The following MARF1 variants were observed in gnomAD, a reference collection of about 807,000 sequenced individuals.
MARF1 encodes the protein meiosis regulator and mRNA stability factor 1, also known as limkain-b1.
MARF1 carries 24 observed loss-of-function variants against 168.2 expected under a neutral mutation model. The observed-to-expected ratio is 0.14, with a 90% confidence interval of 0.10 to 0.20. The LOEUF is 0.20. Ranked by LOEUF, MARF1 falls within the 10% of genes least tolerant of loss-of-function variation. The pLI is 1.00. For synonymous variants in MARF1, 868 were observed against 822.4 expected (o/e 1.06, Z -0.95); for missense variants, 1,744 against 2,143.6 (o/e 0.81, Z 3.68).
chr16:15,615,697 A>T, intron 16 of MARF1, 133 bp downstream of exon 16: 1 of 559,168 alleles, frequency 1.8e-6, no homozygotes, highest in Admixed American at 3.9e-5. Flanking sequence ...GGAATTTTCA[A>T]AAGATCAAAG....
Position 15,611,622 on chromosome 16 carries a change from A to G in MARF1, c.3587T>C (p.Ile1196Thr), listed in dbSNP as rs369672347. Residue 1196 changes from isoleucine (I) to threonine (T), a missense_variant, in exon 18 of 27, where the codon ATT (isoleucine) becomes ACT (threonine). Around this residue, in one of 7 missense-constraint regions of MARF1, gnomAD observed 543 missense variants for 742.1 expected, o/e 0.73. Transcript: ENST00000396368. ...LLKSQASKQV[I>T]VREFSQAYHW... ...ATAAGCCTGTGAGAATTCTCTCACA[A>G]TGACCTGTTTGCTGGCCTGGGATTT... The G allele has an allele frequency of 1.2e-6, 2 of 1,613,978 alleles. No homozygotes were observed. The highest frequency in any genetic ancestry group is 1.1e-5 in the South Asian group (1 of 91,080).
At chr16:15,638,071 C>T (rs555427024) in intron 2 of MARF1, among the ~76,000 whole-genome samples, 16 of 152,164 alleles carry the variant, frequency 1.1e-4, no homozygotes, top group Admixed American at 2.6e-4. Context: ...GAGGCTGAGA[C>T]GGGAGAATCC....
chr16:15,635,061 A>C, intron 3 of MARF1, 130 bp from the exon 4 acceptor site: 1 of 690,198 alleles, frequency 1.4e-6, no homozygotes, highest in Admixed American at 3.1e-5. Flanking sequence ...AATAAAAAGG[A>C]CTTTCAAATA....
intron 12 of MARF1, among the ~76,000 whole-genome samples, chr16:15,621,243 A>ATGGG (rs2034438684): frequency 6.6e-6 from 1 of 152,214 alleles, no homozygotes; most frequent in Non-Finnish European, 1.5e-5. Flanking sequence ...CCAAAGAAGT[A>ATGGG]TCACATTTTA....
rs763798335 is a variant in MARF1, at chr16:15,633,796, G to C, written c.1054C>G (p.Pro352Ala). 19 of 1,613,758 alleles carry C rather than the reference G, an allele frequency of 1.2e-5. No homozygotes were observed. Among genetic ancestry groups the C allele is most frequent in the Admixed American group, 1.7e-5 (1 of 59,978 alleles). The change falls in exon 5 of 27, where the codon CCC becomes GCC. Residue 352 changes from proline (P) to alanine (A), a missense_variant. Physicochemically the swap from Pro to Ala is conservative, Grantham distance 27. This residue lies in a region of MARF1 where 217 missense variants were observed against 372.4 expected (regional missense o/e 0.58). Coordinates refer to ENST00000396368, the MANE Select transcript of MARF1 (RefSeq NM_014647.4). Reference protein sequence around the residue: ...VAGQVLENLPPIGVFWDIENC... With the variant: ...VAGQVLENLPAIGVFWDIENC... ...TCAATATCCCAAAAAACTCCAATGG[G>C]GGGTAAGTTTTCTAGCACCTGTCCA...
intron 13 of MARF1, among the ~76,000 whole-genome samples, chr16:15,618,464 C>T (rs1390549068): frequency 6.6e-6 from 1 of 152,188 alleles, no homozygotes; most frequent in Non-Finnish European, 1.5e-5. Context: ...CAGCCCCTTC[C>T]CTACTGGATT....
At chr16:15,601,857 C>G (rs2032468237) in intron 23 of MARF1, 134 bp downstream of exon 23, 1 of 752,318 alleles carries the variant, frequency 1.3e-6, no homozygotes, top group Non-Finnish European at 2.3e-6. Flanking sequence ...TTTAGACCAA[C>G]AGTATGTTTT....
At chr16:15,599,343 T>C (rs2032162384) in intron 25 of MARF1, among the ~76,000 whole-genome samples, 1 of 151,760 alleles carries the variant, frequency 6.6e-6, no homozygotes. Flanking sequence ...TGAGACGGGG[T>C]GTACGTAGTT....
In MARF1 at chr16:15,602,070, G is replaced by A. The variant is rs760067172; in HGVS notation, c.4547C>T (p.Thr1516Ile). Reference sequence around the variant, plus strand: ...CTGCAGAGTTTCTCCGACATACTTGGTATAGGCCATGGAAAACTCATGAAG... The same window carrying A: ...CTGCAGAGTTTCTCCGACATACTTGATATAGGCCATGGAAAACTCATGAAG... ...IFLHEFSMAY[T>I]KYVGETLQPK... Residue 1516 changes from threonine (T) to isoleucine (I), a missense_variant, in exon 23 of 27, where the codon ACC (threonine) becomes ATC (isoleucine). By Grantham distance (89) the Thr-to-Ile change is moderately conservative. Transcript: ENST00000396368. 8 of 1,614,206 alleles carry A rather than the reference G, an allele frequency of 5.0e-6. No homozygotes were observed. The highest frequency in any genetic ancestry group is 6.8e-6 in the Non-Finnish European group (8 of 1,180,036).
At chr16:15,618,507 A>G (rs2034227415) in intron 13 of MARF1, among the ~76,000 whole-genome samples, 1 of 152,020 alleles carries the variant, frequency 6.6e-6, no homozygotes, top group African/African-American at 2.4e-5. Flanking sequence ...ATGACTCAAA[A>G]GTTATCAGCG....
At chr16:15,599,153 TTA>T in intron 25 of MARF1, 129 bp from the exon 26 acceptor site, 1 of 437,998 alleles carries the variant, frequency 2.3e-6, no homozygotes. Flanking sequence ...ATTTAAGGTA[TTA>T]AAAAAAAAAA....
chr16:15,608,735 C>T (rs557607592), intron 20 of MARF1: 98 of 555,972 alleles, frequency 1.8e-4, no homozygotes, highest in East Asian at 1.1e-3. Flanking sequence ...AAGATAGTTA[C>T]GAAGGTAAGT....
chr16:15,621,096 GAAC>G (rs1329452518), intron 12 of MARF1, among the ~76,000 whole-genome samples: 3 of 146,522 alleles, frequency 2.0e-5, no homozygotes, highest in South Asian at 2.1e-4. Context: ...TTTATTCTGA[GAAC>G]AACAACAAAA....
In MARF1 at chr16:15,612,728, G is replaced by C. The variant is rs1567548391; in HGVS notation, c.3303C>G (p.Ile1101Met). 6.2e-7 allele frequency: 1 copy of C among 1,614,178 alleles called. No homozygotes were observed. Among genetic ancestry groups the C allele is most frequent in the East Asian group, 2.2e-5 (1 of 44,882 alleles). The change falls in exon 17 of 27, where the codon ATC becomes ATG. Residue 1101 changes from isoleucine to methionine, a missense_variant. Ile to Met is a conservative substitution (Grantham distance 10). Transcript: ENST00000396368. ...SKSPVGNPQL[I>M]QFSREVIDLL... ...AGTCAATCACTTCTCTACTGAACTG[G>C]ATCAGCTGGGGGTTACCTACAGGAC...
rs2034799384 is a variant in MARF1, at chr16:15,625,770, G to A, written c.1555C>T (p.Leu519=). 6.2e-7 allele frequency: 1 copy of A among 1,613,964 alleles called. No individual in the cohort carries two copies. The highest frequency in any genetic ancestry group is 8.5e-7 in the Non-Finnish European group (1 of 1,180,010). Residue 519 remains leucine (L), a synonymous_variant, in exon 8 of 27, where the codon CTA becomes TTA. Coordinates refer to ENST00000396368, the MANE Select transcript of MARF1 (RefSeq NM_014647.4). The stretch of plus-strand genomic sequence containing the variant: ...CTCTTGCCATCCTTATTTGCTGGTA[G>A]GTTATAAACATAGAGCAGAGTGTGG... ...QCHTLLYVYN[L]PANKDGKSVS...
intron 19 of MARF1, 124 bp from the exon 20 acceptor site, chr16:15,609,849 C>T: frequency 1.3e-6 from 1 of 799,794 alleles, no homozygotes; most frequent in Admixed American, 2.6e-5. Flanking sequence ...TCCAAACACA[C>T]ACAACCTAAA....
chr16:15,610,058 CCTGTA>C (rs2033382301), intron 19 of MARF1, among the ~76,000 whole-genome samples: 1 of 152,124 alleles, frequency 6.6e-6, no homozygotes, highest in African/African-American at 2.4e-5. Flanking sequence ...CACCCAGGTC[CCTGTA>C]CTTAAGCAAG....
intron 7 of MARF1, 146 bp downstream of exon 7, chr16:15,630,186 A>G (rs2035155498): frequency 1.8e-6 from 1 of 558,186 alleles, no homozygotes; most frequent in Non-Finnish European, 3.0e-6. Context: ...GAAGAACCGA[A>G]GGTTTCTAAG....
chr16:15,611,216 T>TG, intron 18 of MARF1, 108 bp from the exon 19 acceptor site: 2 of 1,083,784 alleles, frequency 1.8e-6, no homozygotes, highest in South Asian at 2.9e-5. Context: ...CCCAGCACTT[T>TG]GGGAGGCCGA....
Sources: gnomAD v4.1 joint callset for allele counts (sites outside exome capture counted in the v4.1 genomes callset) on GRCh38, gnomAD v4.1.1 for gene constraint, gnomAD v4.1.1 regional missense constraint, MANE v1.5 for transcripts, NCBI Gene and HGNC (gene_info 2026-07-23, HGNC 2026-07-21) for gene names.